RTF2: variants seen among roughly 807,000 people sequenced by gnomAD.
The protein encoded by RTF2 is UPF0549 protein C20orf43.
RTF2 carries 18 observed loss-of-function variants against 38.0 expected under a neutral mutation model. That is an observed-to-expected ratio of 0.47 (90% CI 0.33 to 0.70). RTF2 has a LOEUF of 0.70. RTF2 is among the 30% of genes least tolerant of loss of function. The pLI is 0.02. For missense variants in RTF2, 311 were observed against 379.6 expected, an observed-to-expected ratio of 0.82 and a Z score of 1.50; for synonymous variants, 126 against 137.1, an observed-to-expected ratio of 0.92 and a Z score of 0.57.
At chr20:56,490,242 T>C (rs1250200310) in intron 5 of RTF2, among the ~76,000 whole-genome samples, 4 of 152,260 alleles carry the variant, frequency 2.6e-5, no homozygotes, top group African/African-American at 7.2e-5. Context: ...GAATTATGTT[T>C]CTTTAATTTC....
intron 8 of RTF2, 140 bp downstream of exon 8, chr20:56,517,341 CTT>C: frequency 3.0e-6 from 2 of 669,022 alleles, no homozygotes; most frequent in Non-Finnish European, 5.2e-6. Context: ...ACTGAACTCT[CTT>C]TAGGGGGGTA....
chr20:56,489,290 T>C (rs1244142288), intron 5 of RTF2, among the ~76,000 whole-genome samples: 1 of 150,404 alleles, frequency 6.6e-6, no homozygotes. Flanking sequence ...GGTCTGAAAC[T>C]CCTGACCTCG....
At chr20:56,506,743 C>T (rs1984298974) in intron 5 of RTF2, among the ~76,000 whole-genome samples, 1 of 152,060 alleles carries the variant, frequency 6.6e-6, no homozygotes, top group Admixed American at 6.5e-5. Context: ...CTCTGTCGCC[C>T]AGGCTGGAGT....
At chr20:56,483,744 G>A (rs1340326849) in intron 4 of RTF2, among the ~76,000 whole-genome samples, 1 of 152,084 alleles carries the variant, frequency 6.6e-6, no homozygotes, top group African/African-American at 2.4e-5. Flanking sequence ...TTTTTTGTAC[G>A]AACTGCATGT....
rs530872363 is a variant in RTF2 at position 56,473,304 on chromosome 20, G to A, written c.73G>A (p.Asp25Asn). ...VKGPKKVEKV[D>N]KDAELVAQWN... ...TGAATTTTTTGTTTTTTATTAGGTC[G>A]ACAAAGATGCTGAATTAGTGGCCCA... The change falls in exon 2 of 9, where the codon GAC becomes AAC. Residue 25 changes from aspartate to asparagine, a missense_variant. Physicochemically the swap from Asp to Asn is conservative, Grantham distance 23. Coordinates refer to ENST00000357348, the MANE Select transcript of RTF2 (RefSeq NM_016407.5). 6.0e-5 allele frequency: 97 copies of A among 1,611,908 alleles called. No homozygotes were observed. In the South Asian group the frequency reaches 9.7e-4, roughly 16 times the overall value.
At chr20:56,501,775 G>C (rs939396900) in intron 5 of RTF2, among the ~76,000 whole-genome samples, 5 of 152,170 alleles carry the variant, frequency 3.3e-5, no homozygotes, top group Non-Finnish European at 5.9e-5. Flanking sequence ...GGCTGAGGTG[G>C]GAGGATCATT....
At chr20:56,490,332 A>G (rs1055634430) in intron 5 of RTF2, among the ~76,000 whole-genome samples, 2 of 152,178 alleles carry the variant, frequency 1.3e-5, no homozygotes, top group African/African-American at 4.8e-5. Context: ...TCAGTTTCAT[A>G]TGATGCTGTA....
At chr20:56,490,705 T>C (rs1436085392) in intron 5 of RTF2, among the ~76,000 whole-genome samples, 2 of 152,122 alleles carry the variant, frequency 1.3e-5, no homozygotes. Context: ...TAATTCCAGC[T>C]AGTCGGCAGG....
At chr20:56,470,713 G>A (rs1981914551) in intron 1 of RTF2, 1 of 455,674 alleles carries the variant, frequency 2.2e-6, no homozygotes, top group Admixed American at 2.4e-5. Flanking sequence ...AGGAGAAGAG[G>A]AATTGGACAT....
intron 1 of RTF2, chr20:56,471,673 A>AACAC (rs1425166904): frequency 6.6e-6 from 1 of 152,286 alleles, no homozygotes; most frequent in African/African-American, 2.4e-5. Context: ...GACCCTGGTA[A>AACAC]ACACATTTTT....
chr20:56,477,084 A>T lies in RTF2; in HGVS notation c.358A>T (p.Ile120Phe). The T allele has an allele frequency of 6.2e-7, 1 of 1,614,048 alleles. No individual in the cohort carries two copies. ...CGATGACCTCCAGCGGGCGCGTTTC[A>T]TCTGCCCCGTTGTGGGCCTGGAGAT... ...KHDDLQRARF[I>F]CPVVGLEMNG... The change falls in exon 4 of 9, where the codon ATC becomes TTC. Residue 120 changes from isoleucine (I) to phenylalanine (F), a missense_variant. Physicochemically the swap from Ile to Phe is conservative, Grantham distance 21. Transcript: ENST00000357348.
intron 5 of RTF2, among the ~76,000 whole-genome samples, chr20:56,488,699 A>G (rs962111300): frequency 6.6e-6 from 1 of 152,236 alleles, no homozygotes; most frequent in Non-Finnish European, 1.5e-5. Context: ...GGAATCAGAT[A>G]AGACACAGCA....
chr20:56,518,363 A>G lies in RTF2; in HGVS notation c.*98A>G. The G allele has an allele frequency of 4.8e-6, 6 of 1,240,462 alleles. No individual in the cohort carries two copies. Among genetic ancestry groups the G allele is most frequent in the Non-Finnish European group, 5.6e-6 (5 of 885,822 alleles). The allele number at this position is 1,240,462 out of a possible 1,614,324, so 76.8% of individuals were successfully genotyped here. On this transcript the variant is annotated 3_prime_UTR_variant, in exon 9 of 9. Coordinates refer to ENST00000357348, the MANE Select transcript of RTF2 (RefSeq NM_016407.5). ...GAGTGCGCTGCTGTGTGTTCTCTCT[A>G]TAGTTCTGTGTCATAAAGCTGTCCT...
At chr20:56,481,840 A>G (rs1213601512) in intron 4 of RTF2, among the ~76,000 whole-genome samples, 3 of 152,182 alleles carry the variant, frequency 2.0e-5, no homozygotes, top group African/African-American at 4.8e-5. Context: ...TTCTGTCTCA[A>G]TGGATTTACC....
At chr20:56,507,924 G>A (rs1984384606) in intron 5 of RTF2, among the ~76,000 whole-genome samples, 1 of 152,150 alleles carries the variant, frequency 6.6e-6, no homozygotes, top group Admixed American at 6.5e-5. Context: ...ACTTCCCAGG[G>A]AACCTCCTCT....
At chr20:56,518,030 G>A (rs1600841435) in intron 8 of RTF2, 57 bp from the exon 9 acceptor site, 15 of 1,525,574 alleles carry the variant, frequency 9.8e-6, no homozygotes, top group East Asian at 6.8e-5. Flanking sequence ...CTGAGGATGC[G>A]AAGTTTAGAA....
At chr20:56,473,998 G>A (rs915964583) in intron 2 of RTF2, among the ~76,000 whole-genome samples, 7 of 152,190 alleles carry the variant, frequency 4.6e-5, no homozygotes, top group African/African-American at 1.4e-4. Context: ...TGTCCAAAGC[G>A]GGAGCTGCCA....
intron 4 of RTF2, 131 bp downstream of exon 4, chr20:56,477,255 A>C: frequency 1.0e-6 from 1 of 990,280 alleles, no homozygotes; most frequent in Non-Finnish European, 1.5e-6. Context: ...GGCGCCTTGG[A>C]GGAAATGGTG....
intron 5 of RTF2, chr20:56,496,718 A>T (rs756784780): frequency 1.3e-6 from 2 of 1,551,794 alleles, no homozygotes; most frequent in African/African-American, 1.4e-5. Context: ...TGTCTTTTGC[A>T]TGGATGTCAG....
Sources: allele counts gnomAD v4.1 joint callset (sites outside exome capture counted in the v4.1 genomes callset), GRCh38; gene constraint gnomAD v4.1.1; transcripts MANE v1.5; gene names NCBI Gene and HGNC (gene_info 2026-07-23, HGNC 2026-07-21).